Variants in TMEM158 observed in about 807,000 individuals in gnomAD.
TMEM158 encodes the protein transmembrane protein 158, also known as 40 kDa BINP-binding protein.
Under a neutral mutation model 12.0 loss-of-function variants are expected in TMEM158, and 7 were observed. The ratio of observed to expected loss-of-function variants is 0.59; its 90% CI spans 0.33 to 1.10. TMEM158 has a LOEUF of 1.10. Ranked by LOEUF, TMEM158 falls within the 50% of genes least tolerant of loss-of-function variation. The pLI is 0.03. For synonymous variants in TMEM158, 209 were observed against 231.1 expected, an observed-to-expected ratio of 0.90 and a Z score of 0.87; for missense variants, 405 against 454.7, an observed-to-expected ratio of 0.89 and a Z score of 0.99.
Position 45,225,572 on chromosome 3 carries a change from G to C in TMEM158, c.456C>G (p.Arg152=). ...CGGCGGGCCGGAGGCGGCCGGTGCGGCGACCGCGCACCCAGCCGCAGCCCA... is the reference window on the plus strand; with the variant it reads ...CGGCGGGCCGGAGGCGGCCGGTGCGCCGACCGCGCACCCAGCCGCAGCCCA... ...LCVGCGWVRG[R]RTGRLRPAAA... Residue 152 remains arginine (R), a synonymous_variant, in exon 1 of 1, where the codon CGC becomes CGG. Transcript: ENST00000503771. The surrounding 1 kb of genome is among the most constrained non-coding windows in gnomAD (Gnocchi z 5.7). The C allele has an allele frequency of 8.9e-7, 1 of 1,118,978 alleles. No individual in the cohort carries two copies. The highest frequency in any genetic ancestry group is 1.1e-6 in the Non-Finnish European group (1 of 917,928). The allele number at this position is 1,118,978 out of a possible 1,614,324, so 69.3% of individuals were successfully genotyped here.
Position 45,225,682 on chromosome 3 carries a change from C to A in TMEM158, c.346G>T (p.Ala116Ser). Reference sequence around the variant, plus strand: ...AGCGGCGGCCCGACGCGGTGGAAGGCGGCGGCGAAGAAAGCGCGGCCGTGC... The same window carrying A: ...AGCGGCGGCCCGACGCGGTGGAAGGAGGCGGCGAAGAAAGCGCGGCCGTGC... ...NAHGRAFFAA[A>S]FHRVGPPLLI... The change falls in exon 1 of 1, where the codon GCC becomes TCC. Residue 116 changes from alanine to serine, a missense_variant. Transcript: ENST00000503771. This position sits in a 1 kb window ranked among gnomAD's most constrained non-coding sequence, Gnocchi z 5.7. The A allele has an allele frequency of 6.9e-7, 1 of 1,457,998 alleles. No individual in the cohort carries two copies. The highest frequency in any genetic ancestry group is 9.1e-7 in the Non-Finnish European group (1 of 1,102,494). The allele number at this position is 1,457,998 out of a possible 1,614,324, so 90.3% of individuals were successfully genotyped here. A position where few individuals can be genotyped will look rare whatever the true frequency, so the allele number is the denominator to read the frequency against.
rs1444999598 is a variant in TMEM158, at chr3:45,225,663, G to T, written c.365C>A (p.Pro122Gln). 2 of 1,448,614 alleles carry T rather than the reference G, an allele frequency of 1.4e-6. No homozygotes were observed. The highest frequency in any genetic ancestry group is 4.8e-5 in the Admixed American group (2 of 41,526). The allele number at this position is 1,448,614 out of a possible 1,614,324, so 89.7% of individuals were successfully genotyped here. Residue 122 changes from proline (P) to glutamine (Q), a missense_variant, in exon 1 of 1, where the codon CCG becomes CAG. Transcript: ENST00000503771. This position sits in a 1 kb window ranked among gnomAD's most constrained non-coding sequence, Gnocchi z 5.7. ...FFAAAFHRVG[P>Q]PLLIEHLGLA... ...CCCCAGGTGCTCGATGAGCAGCGGC[G>T]GCCCGACGCGGTGGAAGGCGGCGGC... is the stretch of plus-strand genomic sequence containing the variant.
chr3:45,225,606 C>G lies in TMEM158; in HGVS notation c.422G>C (p.Arg141Pro). ...LAAGGAQQDLRLCVGCGWVRG... is the reference protein window; with the variant it reads ...LAAGGAQQDLPLCVGCGWVRG... ...CACCCAGCCGCAGCCCACGCAGAGG[C>G]GCAGGTCCTGCTGCGCGCCGCCCGC... Residue 141 changes from arginine to proline, a missense_variant, in exon 1 of 1, where the codon CGC (arginine) becomes CCC (proline). Transcript: ENST00000503771. This position sits in a 1 kb window ranked among gnomAD's most constrained non-coding sequence, Gnocchi z 5.7. 1 of 1,342,390 alleles carries G rather than the reference C, an allele frequency of 7.4e-7. No homozygotes were observed. The highest frequency in any genetic ancestry group is 9.6e-7 in the Non-Finnish European group (1 of 1,042,702). 83.2% of individuals were successfully genotyped at this position (1,342,390 alleles called of 1,614,324 possible).
At position 45,225,499 on chromosome 3, in the gene TMEM158, G is replaced by C; in HGVS notation, c.529C>G (p.Pro177Ala). 8.4e-7 allele frequency: 1 copy of C among 1,192,294 alleles called. No homozygotes were observed. 73.9% of individuals were successfully genotyped at this position (1,192,294 alleles called of 1,614,324 possible). A position where few individuals can be genotyped will look rare whatever the true frequency, so the allele number is the denominator to read the frequency against. Residue 177 changes from proline (P) to alanine (A), a missense_variant, in exon 1 of 1, where the codon CCA (proline) becomes GCA (alanine). Pro to Ala is a conservative substitution (Grantham distance 27). Coordinates refer to ENST00000503771, the MANE Select transcript of TMEM158 (RefSeq NM_015444.3). This position sits in a 1 kb window ranked among gnomAD's most constrained non-coding sequence, Gnocchi z 5.7. ...AATAGAPTAL[P>A]AYPAAEPPGP... ...GGCGGCTCGGCCGCGGGGTAGGCTGGCAGCGCGGTGGGCGCCCCGGCGGTG... is the reference window on the plus strand; with the variant it reads ...GGCGGCTCGGCCGCGGGGTAGGCTGCCAGCGCGGTGGGCGCCCCGGCGGTG...
chr3:45,225,310 C>T lies in TMEM158; in HGVS notation c.718G>A (p.Ala240Thr). 6.7e-7 allele frequency: 1 copy of T among 1,498,156 alleles called. No homozygotes were observed. The highest frequency in any genetic ancestry group is 8.9e-7 in the Non-Finnish European group (1 of 1,118,344). The allele number at this position is 1,498,156 out of a possible 1,614,324, so 92.8% of individuals were successfully genotyped here. A position where few individuals can be genotyped will look rare whatever the true frequency, so the allele number is the denominator to read the frequency against. ...TLVIVVWSVA[A>T]LIWPVPIIAG... ...ATGATGGGCACCGGCCAGATGAGGG[C>T]GGCCACGCTCCACACCACGATGACC... The change falls in exon 1 of 1, where the codon GCC becomes ACC. Residue 240 changes from alanine (A) to threonine (T), a missense_variant. Transcript: ENST00000503771. This position sits in a 1 kb window ranked among gnomAD's most constrained non-coding sequence, Gnocchi z 5.7.
At position 45,224,851 on chromosome 3, in the gene TMEM158, G is replaced by T; in HGVS notation, c.*274C>A. 2.6e-6 allele frequency: 1 copy of T among 382,876 alleles called. No homozygotes were observed. Among genetic ancestry groups the T allele is most frequent in the Non-Finnish European group, 4.2e-6 (1 of 236,130 alleles). The allele number at this position is 382,876 out of a possible 1,614,324, so 23.7% of individuals were successfully genotyped here. On this transcript the variant is annotated 3_prime_UTR_variant, in exon 1 of 1. Transcript: ENST00000503771. ...TGGGTGCGGGGAAGGAGTCGGGCAG[G>T]GGGATGCAATAGAGGGGAAAGGGCC...
Position 45,225,783 on chromosome 3 carries a change from ATC to A in TMEM158, c.243_244del (p.Gln81HisfsTer137). ...CCAGCGCACGAGCAGCGAGCTCAGC[ATC>A]TGCCGCTGCACGCTGATGTTGCACG... On this transcript the variant is annotated frameshift_variant, in exon 1 of 1. Coordinates refer to ENST00000503771, the MANE Select transcript of TMEM158 (RefSeq NM_015444.3). LOFTEE classifies it high-confidence loss of function. This position sits in a 1 kb window ranked among gnomAD's most constrained non-coding sequence, Gnocchi z 5.7. 1 of 1,413,288 alleles carries A rather than the reference ATC, an allele frequency of 7.1e-7. No individual in the cohort carries two copies. Among genetic ancestry groups the A allele is most frequent in the Non-Finnish European group, 9.3e-7 (1 of 1,077,944 alleles). The allele number at this position is 1,413,288 out of a possible 1,614,324, so 87.5% of individuals were successfully genotyped here.
chr3:45,225,405 T>A lies in TMEM158; in HGVS notation c.623A>T (p.Gln208Leu). Reference protein sequence around the residue: ...CCLDFSLEELQGEPGWRLNRK... With the variant: ...CCLDFSLEELLGEPGWRLNRK... The stretch of plus-strand genomic sequence containing the variant: ...GTTCAGCCGCCAGCCCGGCTCGCCC[T>A]GCAGCTCCTCCAGGCTGAAGTCTAG... The change falls in exon 1 of 1, where the codon CAG (glutamine) becomes CTG (leucine). Residue 208 changes from glutamine to leucine, a missense_variant. Transcript: ENST00000503771. This position sits in a 1 kb window ranked among gnomAD's most constrained non-coding sequence, Gnocchi z 5.7. 1 of 1,474,632 alleles carries A rather than the reference T, an allele frequency of 6.8e-7. No individual in the cohort carries two copies. Among genetic ancestry groups the A allele is most frequent in the Non-Finnish European group, 9.1e-7 (1 of 1,104,236 alleles). The allele number at this position is 1,474,632 out of a possible 1,614,324, so 91.3% of individuals were successfully genotyped here. A position where few individuals can be genotyped will look rare whatever the true frequency, so the allele number is the denominator to read the frequency against.
chr3:45,225,968 G>A lies in TMEM158; in HGVS notation c.60C>T (p.Gly20=), dbSNP rs1270499106. The change falls in exon 1 of 1, where the codon GGC becomes GGT. Residue 20 remains glycine (G), a synonymous_variant. Coordinates refer to ENST00000503771, the MANE Select transcript of TMEM158 (RefSeq NM_015444.3). The surrounding 1 kb of genome is among the most constrained non-coding windows in gnomAD (Gnocchi z 5.7). Reference sequence around the variant, plus strand: ...GGAGGCCGGGCGCGTCCGCGGCCCCGCCGCGGACGGGCGGCAGCGGGCAGG... The same window carrying A: ...GGAGGCCGGGCGCGTCCGCGGCCCCACCGCGGACGGGCGGCAGCGGGCAGG... ...AAACPLPPVR[G]GAADAPGLLG... is the part of the protein sequence containing the mutation. 4 of 1,089,950 alleles carry A rather than the reference G, an allele frequency of 3.7e-6. No homozygotes were observed. Among genetic ancestry groups the A allele is most frequent in the Non-Finnish European group, 3.3e-6 (3 of 896,040 alleles). 67.5% of individuals were successfully genotyped at this position (1,089,950 alleles called of 1,614,324 possible).
Position 45,225,332 on chromosome 3 carries a change from G to A in TMEM158, c.696C>T (p.Val232=). The change falls in exon 1 of 1, where the codon GTC becomes GTT. Residue 232 remains valine (V), a synonymous_variant. Coordinates refer to ENST00000503771, the MANE Select transcript of TMEM158 (RefSeq NM_015444.3). The surrounding 1 kb of genome is among the most constrained non-coding windows in gnomAD (Gnocchi z 5.7). ...STLVACFMTL[V]IVVWSVAALI... ...GGGCGGCCACGCTCCACACCACGAT[G>A]ACCAGGGTCATGAAGCAGGCCACCA... 1 of 1,524,322 alleles carries A rather than the reference G, an allele frequency of 6.6e-7. No individual in the cohort carries two copies. The highest frequency in any genetic ancestry group is 8.8e-7 in the Non-Finnish European group (1 of 1,133,588). 94.4% of individuals were successfully genotyped at this position (1,524,322 alleles called of 1,614,324 possible).
rs1475866597 is a variant in TMEM158, at chr3:45,225,031, A to G, written c.*94T>C. On this transcript the variant is annotated 3_prime_UTR_variant, in exon 1 of 1. Coordinates refer to ENST00000503771, the MANE Select transcript of TMEM158 (RefSeq NM_015444.3). The surrounding 1 kb of genome is among the most constrained non-coding windows in gnomAD (Gnocchi z 5.7). Reference sequence around the variant, plus strand: ...CCCATCTCGGGAAGAGGAACTAACGATAACTACAGCACGAAGCACACCGGC... The same window carrying G: ...CCCATCTCGGGAAGAGGAACTAACGGTAACTACAGCACGAAGCACACCGGC... 6 of 1,199,526 alleles carry G rather than the reference A, an allele frequency of 5.0e-6. No homozygotes were observed. Among genetic ancestry groups the G allele is most frequent in the South Asian group, 4.2e-5 (1 of 24,082 alleles). The allele number at this position is 1,199,526 out of a possible 1,614,324, so 74.3% of individuals were successfully genotyped here.
rs963042051 is a variant in TMEM158 at position 45,224,957 on chromosome 3, A to C, written c.*168T>G. 1.8e-6 allele frequency: 2 copies of C among 1,111,050 alleles called. No individual in the cohort carries two copies. The highest frequency in any genetic ancestry group is 3.3e-5 in the African/African-American group (2 of 61,252). The allele number at this position is 1,111,050 out of a possible 1,614,324, so 68.8% of individuals were successfully genotyped here. ...TAAACATCTGCTTTTCGGAACTGGA[A>C]GCGCAGCACAAACCTTGCTTTTCAA... On this transcript the variant is annotated 3_prime_UTR_variant, in exon 1 of 1. Coordinates refer to ENST00000503771, the MANE Select transcript of TMEM158 (RefSeq NM_015444.3).
At position 45,225,135 on chromosome 3, in the gene TMEM158, G is replaced by T. The variant is rs1357004404; in HGVS notation, c.893C>A (p.Ala298Glu). Residue 298 changes from alanine to glutamate, a missense_variant, in exon 1 of 1, where the codon GCG becomes GAG. By Grantham distance (107) the Ala-to-Glu change is moderately radical. Coordinates refer to ENST00000503771, the MANE Select transcript of TMEM158 (RefSeq NM_015444.3). The surrounding 1 kb of genome is among the most constrained non-coding windows in gnomAD (Gnocchi z 5.7). ...GAGGAGCGGAGCGGGTCACTTGGTC[G>T]CCACCCCCGAAGTGACGGCCGCGGC... ...AAAAAVTSGV[A>E]TK 4.8e-6 allele frequency: 6 copies of T among 1,256,196 alleles called. No homozygotes were observed. The highest frequency in any genetic ancestry group is 6.0e-6 in the Non-Finnish European group (6 of 1,005,790). 77.8% of individuals were successfully genotyped at this position (1,256,196 alleles called of 1,614,324 possible). A position where few individuals can be genotyped will look rare whatever the true frequency, so the allele number is the denominator to read the frequency against.
chr3:45,226,231 C>T lies in TMEM158; in HGVS notation c.-204G>A, dbSNP rs1700158849. The T allele has an allele frequency of 6.9e-6, 4 of 583,176 alleles. No individual in the cohort carries two copies. The highest frequency in any genetic ancestry group is 6.4e-5 in the Admixed American group (1 of 15,550). 36.1% of individuals were successfully genotyped at this position (583,176 alleles called of 1,614,324 possible). Reference sequence around the variant, plus strand: ...GCGGGGATCCCTCCAGACCCGGTTGCGTTTGGGGTTCCCCGCCGCCCCCGG... The same window carrying T: ...GCGGGGATCCCTCCAGACCCGGTTGTGTTTGGGGTTCCCCGCCGCCCCCGG... On this transcript the variant is annotated 5_prime_UTR_variant, in exon 1 of 1. Coordinates refer to ENST00000503771, the MANE Select transcript of TMEM158 (RefSeq NM_015444.3).
In TMEM158 at chr3:45,225,117, G is replaced by T; in HGVS notation, c.*8C>A. 8.0e-7 allele frequency: 1 copy of T among 1,251,960 alleles called. No homozygotes were observed. 77.6% of individuals were successfully genotyped at this position (1,251,960 alleles called of 1,614,324 possible). On this transcript the variant is annotated 3_prime_UTR_variant, in exon 1 of 1. Transcript: ENST00000503771. The surrounding 1 kb of genome is among the most constrained non-coding windows in gnomAD (Gnocchi z 5.7). Reference sequence around the variant, plus strand: ...ACACAGGACGGACACAGGGAGGAGCGGAGCGGGTCACTTGGTCGCCACCCC... The same window carrying T: ...ACACAGGACGGACACAGGGAGGAGCTGAGCGGGTCACTTGGTCGCCACCCC...
chr3:45,224,811 T>G lies in TMEM158; in HGVS notation c.*314A>C. On this transcript the variant is annotated 3_prime_UTR_variant, in exon 1 of 1. Transcript: ENST00000503771. The stretch of plus-strand genomic sequence containing the variant: ...CACAGGATTTGGTCATTTTCTGCCA[T>G]GAATCTAGGGCACGTGGGTGCGGGG... 3.6e-6 allele frequency: 1 copy of G among 275,892 alleles called. No individual in the cohort carries two copies. The highest frequency in any genetic ancestry group is 6.6e-6 in the Non-Finnish European group (1 of 150,500). 17.1% of individuals were successfully genotyped at this position (275,892 alleles called of 1,614,324 possible).
chr3:45,225,703 C>A lies in TMEM158; in HGVS notation c.325G>T (p.Gly109Cys). 1 of 1,464,730 alleles carries A rather than the reference C, an allele frequency of 6.8e-7. No homozygotes were observed. Among genetic ancestry groups the A allele is most frequent in the Non-Finnish European group, 9.0e-7 (1 of 1,106,058 alleles). 90.7% of individuals were successfully genotyped at this position (1,464,730 alleles called of 1,614,324 possible). A position where few individuals can be genotyped will look rare whatever the true frequency, so the allele number is the denominator to read the frequency against. The change falls in exon 1 of 1, where the codon GGC becomes TGC. Residue 109 changes from glycine to cysteine, a missense_variant. Coordinates refer to ENST00000503771, the MANE Select transcript of TMEM158 (RefSeq NM_015444.3). The surrounding 1 kb of genome is among the most constrained non-coding windows in gnomAD (Gnocchi z 5.7). Reference sequence around the variant, plus strand: ...AAGGCGGCGGCGAAGAAAGCGCGGCCGTGCGCGTTGGTGGAGAAGAGCAGT... The same window carrying A: ...AAGGCGGCGGCGAAGAAAGCGCGGCAGTGCGCGTTGGTGGAGAAGAGCAGT... ...DLLLFSTNAH[G>C]RAFFAAAFHR...
In TMEM158 at chr3:45,225,021, G is replaced by A; in HGVS notation, c.*104C>T. On this transcript the variant is annotated 3_prime_UTR_variant, in exon 1 of 1. Coordinates refer to ENST00000503771, the MANE Select transcript of TMEM158 (RefSeq NM_015444.3). The surrounding 1 kb of genome is among the most constrained non-coding windows in gnomAD (Gnocchi z 5.7). The stretch of plus-strand genomic sequence containing the variant: ...TCTCGGCGGCCCCATCTCGGGAAGA[G>A]GAACTAACGATAACTACAGCACGAA... 8.4e-7 allele frequency: 1 copy of A among 1,195,122 alleles called. No individual in the cohort carries two copies. The highest frequency in any genetic ancestry group is 1.0e-6 in the Non-Finnish European group (1 of 964,180). The allele number at this position is 1,195,122 out of a possible 1,614,324, so 74.0% of individuals were successfully genotyped here. A position where few individuals can be genotyped will look rare whatever the true frequency, so the allele number is the denominator to read the frequency against.
Position 45,224,895 on chromosome 3 carries a change from T to C in TMEM158, c.*230A>G, listed in dbSNP as rs902532215. 48 of 660,166 alleles carry C rather than the reference T, an allele frequency of 7.3e-5. No homozygotes were observed. Among genetic ancestry groups the C allele is most frequent in the Non-Finnish European group, 9.8e-5 (47 of 481,038 alleles). 40.9% of individuals were successfully genotyped at this position (660,166 alleles called of 1,614,324 possible). On this transcript the variant is annotated 3_prime_UTR_variant, in exon 1 of 1. Coordinates refer to ENST00000503771, the MANE Select transcript of TMEM158 (RefSeq NM_015444.3). ...AAGGGCCCCATTTCCCTCCTCTCCG[T>C]CTTCGGAGCTGCGATCCCACCCTCA...
Sources: gnomAD v4.1 joint callset for allele counts on GRCh38, gnomAD v4.1.1 for gene constraint, Gnocchi (gnomAD v3.1) non-coding constraint, MANE v1.5 for transcripts, NCBI Gene and HGNC (gene_info 2026-07-23, HGNC 2026-07-21) for gene names.